ZFP62: variants seen among roughly 807,000 people sequenced by gnomAD.
The protein encoded by ZFP62 is zinc finger protein 62 homolog.
A neutral mutation model predicts 56.4 loss-of-function variants in ZFP62; 44 were observed. The ratio of observed to expected loss-of-function variants is 0.78; its 90% CI spans 0.61 to 1.00. The LOEUF is 1.00. Among genes scored for constraint, ZFP62 ranks in the 50% least tolerant of loss-of-function variants. The pLI, the probability that ZFP62 is intolerant of heterozygous loss-of-function variation, is 0.00. For missense variants in ZFP62, 1,030 were observed against 1,085.7 expected, an observed-to-expected ratio of 0.95 and a Z score of 0.72; for synonymous variants, 421 against 388.9, an observed-to-expected ratio of 1.08 and a Z score of -0.97.
Position 180,849,105 on chromosome 5 carries a change from T to C in ZFP62, c.2390A>G (p.His797Arg). Reference sequence around the variant, plus strand: ...ACTTTTATGATTGATAAGACTTGAGTGTGAGATGTATGCCTTCCCACACTC... The same window carrying C: ...ACTTTTATGATTGATAAGACTTGAGCGTGAGATGTATGCCTTCCCACACTC... ...CDECGKAYIS[H>R]SSLINHKSVH... The change falls in exon 2 of 2, where the codon CAC (histidine) becomes CGC (arginine). Residue 797 changes from histidine (H) to arginine (R), a missense_variant. Coordinates refer to ENST00000502412, the MANE Select transcript of ZFP62 (RefSeq NM_001172638.2). 1 of 1,555,332 alleles carries C rather than the reference T, an allele frequency of 6.4e-7. No homozygotes were observed. The highest frequency in any genetic ancestry group is 8.7e-7 in the Non-Finnish European group (1 of 1,149,260).
the ZFP62 span, among the ~76,000 whole-genome samples, chr5:180,827,805 C>A: frequency 6.6e-6 from 1 of 152,224 alleles, no homozygotes; most frequent in South Asian, 2.1e-4. Flanking sequence ...GTATAAAACC[C>A]AATTTACGTT....
chr5:180,828,129 A>C, the ZFP62 span, among the ~76,000 whole-genome samples: 1 of 151,892 alleles, frequency 6.6e-6, no homozygotes, highest in African/African-American at 2.4e-5. Context: ...GGGCCCCCTT[A>C]TTTCTTTCTC....
chr5:180,845,773 G>T, downstream of ZFP62: 1 of 985,410 alleles, frequency 1.0e-6, no homozygotes, highest in Non-Finnish European at 1.2e-6. Flanking sequence ...ATCTTCAGGT[G>T]TTGTCCTGGT....
chr5:180,832,766 C>T, the ZFP62 span: 2 of 152,228 alleles, frequency 1.3e-5, no homozygotes, highest in Non-Finnish European at 2.9e-5. Context: ...CTGCATCACC[C>T]AGGAACTTGT....
the ZFP62 span, chr5:180,831,686 C>G: frequency 6.6e-6 from 1 of 152,660 alleles, no homozygotes. Context: ...CCCGGACCTG[C>G]CCAACGACCG....
chr5:180,832,640 A>T, the ZFP62 span: 1 of 152,190 alleles, frequency 6.6e-6, no homozygotes, highest in African/African-American at 2.4e-5. Context: ...TTCACTTTCT[A>T]TCTTGTGCAC....
chr5:180,854,652 G>A (rs895694450), intron 1 of ZFP62, among the ~76,000 whole-genome samples: 1 of 152,190 alleles, frequency 6.6e-6, no homozygotes, highest in African/African-American at 2.4e-5. Context: ...CACCTCCAGA[G>A]GGGCAGATAG....
the ZFP62 span, among the ~76,000 whole-genome samples, chr5:180,839,903 C>T: frequency 6.6e-6 from 1 of 152,178 alleles, no homozygotes; most frequent in African/African-American, 2.4e-5. Context: ...TTCTCTGCCC[C>T]ACCCACCATT....
intron 1 of ZFP62, among the ~76,000 whole-genome samples, chr5:180,857,945 T>C (rs1774075497): frequency 1.3e-5 from 2 of 151,906 alleles, no homozygotes; most frequent in Admixed American, 1.3e-4. Flanking sequence ...GATGGGTATA[T>C]GGAAGTTCAT....
chr5:180,860,962 G>A (rs1581981454), intron 1 of ZFP62, among the ~76,000 whole-genome samples: 1 of 152,192 alleles, frequency 6.6e-6, no homozygotes, highest in Non-Finnish European at 1.5e-5. Flanking sequence ...ACGCTGGTCC[G>A]TTCAAACGTC....
chr5:180,839,762 G>T, the ZFP62 span, among the ~76,000 whole-genome samples: 2 of 152,082 alleles, frequency 1.3e-5, no homozygotes, highest in Admixed American at 6.6e-5. Flanking sequence ...GAACCTAAAA[G>T]TTACAATAAA....
In ZFP62 at chr5:180,851,188, G is replaced by A. The variant is rs1330857116; in HGVS notation, c.307C>T (p.His103Tyr). Residue 103 changes from histidine to tyrosine, a missense_variant, in exon 2 of 2, where the codon CAC (histidine) becomes TAC (tyrosine). Physicochemically the swap from His to Tyr is moderately conservative, Grantham distance 83 (BLOSUM62 2). Transcript: ENST00000502412. ...CTCTGTCCTATAGGCATAGTCTGGT[G>A]TGTGATATGCTGTGGGCTCAGATGC... Reference protein sequence around the residue: ...SLHLSPQHITHQTMPIGQRGS... With the variant: ...SLHLSPQHITYQTMPIGQRGS... 1 of 1,551,572 alleles carries A rather than the reference G, an allele frequency of 6.4e-7. No homozygotes were observed. Among genetic ancestry groups the A allele is most frequent in the Non-Finnish European group, 8.7e-7 (1 of 1,147,008 alleles).
intron 1 of ZFP62, among the ~76,000 whole-genome samples, chr5:180,857,495 G>GT (rs1022446170): frequency 1.8e-4 from 27 of 151,376 alleles, no homozygotes; most frequent in Middle Eastern, 3.4e-3. Flanking sequence ...TAGAACTTTT[G>GT]TTTTTTTTTT....
rs1404399471 is a variant in ZFP62, at chr5:180,849,389, T to G, written c.2106A>C (p.Thr702=). The G allele has an allele frequency of 1.9e-6, 3 of 1,550,844 alleles. No individual in the cohort carries two copies. The highest frequency in any genetic ancestry group is 4.9e-5 in the East Asian group (2 of 40,848). The part of the protein sequence containing the change: ...KSTHPGRTPH[T]CDECGKAFFS... Reference sequence around the variant, plus strand: ...AAAAAGCTTTTCCACATTCATCACATGTATGGGGTGTCCTGCCAGGGTGGG... The same window carrying G: ...AAAAAGCTTTTCCACATTCATCACAGGTATGGGGTGTCCTGCCAGGGTGGG... Residue 702 remains threonine (T), a synonymous_variant, in exon 2 of 2, where the codon ACA becomes ACC. Coordinates refer to ENST00000502412, the MANE Select transcript of ZFP62 (RefSeq NM_001172638.2).
At chr5:180,856,730 A>G (rs1442752584) in intron 1 of ZFP62, among the ~76,000 whole-genome samples, 1 of 151,068 alleles carries the variant, frequency 6.6e-6, no homozygotes, top group Non-Finnish European at 1.5e-5. Flanking sequence ...TGAGGCGGGC[A>G]GATCATGAGA....
downstream of ZFP62, among the ~76,000 whole-genome samples, chr5:180,846,352 C>G (rs891413643): frequency 6.6e-5 from 10 of 152,206 alleles, no homozygotes; most frequent in Non-Finnish European, 1.5e-4. Flanking sequence ...CAAAAGTAGA[C>G]AGTGCATTAG....
the ZFP62 span, among the ~76,000 whole-genome samples, chr5:180,833,938 G>A: frequency 6.6e-6 from 1 of 152,144 alleles, no homozygotes; most frequent in African/African-American, 2.4e-5. Flanking sequence ...CAAAGTGCTG[G>A]GATTACAGGC....
the ZFP62 span, among the ~76,000 whole-genome samples, chr5:180,827,705 G>A: frequency 6.6e-6 from 1 of 152,228 alleles, no homozygotes; most frequent in Admixed American, 6.5e-5. Context: ...TGCTGAGGAG[G>A]ATTAGTATAA....
In ZFP62 at chr5:180,849,845, T is replaced by C; in HGVS notation, c.1650A>G (p.Val550=). 1 of 1,551,812 alleles carries C rather than the reference T, an allele frequency of 6.4e-7. No individual in the cohort carries two copies. The highest frequency in any genetic ancestry group is 1.4e-5 in the African/African-American group (1 of 73,156). Residue 550 remains valine (V), a synonymous_variant, in exon 2 of 2, where the codon GTA becomes GTG. Transcript: ENST00000502412. The part of the protein sequence containing the change: ...KAFRNNSGLK[V]HKRIHTGERP... ...GTTCCCCAGTGTGGATTCGTTTATGTACTTTAAGGCCAGAATTATTTCTGA... is the reference window on the plus strand; with the variant it reads ...GTTCCCCAGTGTGGATTCGTTTATGCACTTTAAGGCCAGAATTATTTCTGA...
Sources: allele counts gnomAD v4.1 joint callset (sites outside exome capture counted in the v4.1 genomes callset), GRCh38; gene constraint gnomAD v4.1.1; transcripts MANE v1.5; gene names NCBI Gene and HGNC (gene_info 2026-07-23, HGNC 2026-07-21).